The following TAOK3 variants were observed in gnomAD, a reference collection of about 807,000 sequenced individuals.
The protein encoded by TAOK3 is serine/threonine-protein kinase TAO3.
In TAOK3, 40 loss-of-function variants were observed where a neutral mutation model predicts 120.4. The observed-to-expected ratio is 0.33, with a 90% confidence interval of 0.26 to 0.43. TAOK3 has a LOEUF of 0.43. Ranked by LOEUF, TAOK3 falls within the 20% of genes least tolerant of loss-of-function variation. The pLI, the probability that TAOK3 is intolerant of heterozygous loss-of-function variation, is 1.00. For synonymous variants in TAOK3, 355 were observed against 387.5 expected (o/e 0.92, Z 0.99); for missense variants, 821 against 1,112.1 (o/e 0.74, Z 3.72).
chr12:118,295,823 T>C (rs918263381), intron 1 of TAOK3, among the ~76,000 whole-genome samples: 1 of 152,234 alleles, frequency 6.6e-6, no homozygotes, highest in Admixed American at 6.5e-5. Flanking sequence ...ATAAATGATT[T>C]AAAATTTCAA....
chr12:118,330,762 CA>C (rs79525282), intron 1 of TAOK3, among the ~76,000 whole-genome samples: 7,787 of 105,954 alleles, frequency 0.073, 433 homozygotes, highest in African/African-American at 0.17. Context: ...AAGAGGAGGA[CA>C]AAAAAAAAAA....
chr12:118,323,448 C>A (rs1009936217), intron 1 of TAOK3, among the ~76,000 whole-genome samples: 1 of 152,056 alleles, frequency 6.6e-6, no homozygotes, highest in East Asian at 1.9e-4. Flanking sequence ...AAAAATAAAA[C>A]CATTAAGCCA....
chr12:118,244,750 A>G (rs1277774405), intron 4 of TAOK3, 144 bp downstream of exon 4: 2 of 538,148 alleles, frequency 3.7e-6, no homozygotes, highest in Non-Finnish European at 6.9e-6. Context: ...GGATGGTCTC[A>G]ATCTCCCGAC....
chr12:118,194,125 T>G (rs1354573762), intron 13 of TAOK3, among the ~76,000 whole-genome samples: 3 of 152,168 alleles, frequency 2.0e-5, no homozygotes, highest in Non-Finnish European at 4.4e-5. Context: ...GACACACACA[T>G]AAGCACACCT....
At chr12:118,215,102 A>G (rs1326586725) in intron 9 of TAOK3, among the ~76,000 whole-genome samples, 1 of 150,208 alleles carries the variant, frequency 6.7e-6, no homozygotes, top group Non-Finnish European at 1.5e-5. Context: ...GCTGGTCTCG[A>G]ACTCCTGACC....
chr12:118,170,822 A>G (rs1048302928), intron 17 of TAOK3, among the ~76,000 whole-genome samples: 1 of 152,228 alleles, frequency 6.6e-6, no homozygotes, highest in Non-Finnish European at 1.5e-5. Context: ...GCATGCAGAA[A>G]GAGCCTGAGC....
Position 118,236,828 on chromosome 12 carries a change from T to TA in TAOK3, c.438-1158dup, listed in dbSNP as rs760092734. 3 of 152,288 alleles carry TA rather than the reference T, an allele frequency of 2.0e-5. 1 individual carries two copies. Among genetic ancestry groups the TA allele is most frequent in the Admixed American group, 6.5e-5 (1 of 15,294 alleles). 9.4% of individuals were successfully genotyped at this position (152,288 alleles called of 1,614,324 possible). A position where few individuals can be genotyped will look rare whatever the true frequency, so the allele number is the denominator to read the frequency against. On this transcript the variant is annotated intron_variant, in intron 7 of 20. Coordinates refer to ENST00000392533, the MANE Select transcript of TAOK3 (RefSeq NM_016281.4). ...TGAGACACAGTATTTACTTTTAAAT[T>TA]AAAAAAACATTATTTATAAGTATTT...
At chr12:118,230,461 T>G (rs12829903) in intron 9 of TAOK3, among the ~76,000 whole-genome samples, 3 of 35,034 alleles carry the variant, frequency 8.6e-5, no homozygotes, top group Admixed American at 3.3e-4. Flanking sequence ...CTGTGAAGTG[T>G]TTTTTTTTTT....
chr12:118,244,530 T>TC (rs545086117), intron 4 of TAOK3, among the ~76,000 whole-genome samples: 13 of 131,156 alleles, frequency 9.9e-5, no homozygotes, highest in South Asian at 5.2e-4. Flanking sequence ...CTTTTTTCTT[T>TC]TTCTTTTTTT....
At chr12:118,159,697 CAG>C (rs1356907605) in intron 19 of TAOK3, 1 of 189,958 alleles carries the variant, frequency 5.3e-6, no homozygotes, top group Admixed American at 5.6e-5. Flanking sequence ...CTGAGTCCAG[CAG>C]AGTGCTGAAC....
chr12:118,202,629 CT>C (rs1565941548), intron 11 of TAOK3, among the ~76,000 whole-genome samples: 1 of 151,864 alleles, frequency 6.6e-6, no homozygotes, highest in African/African-American at 2.4e-5. Context: ...TGTTGAGTAT[CT>C]TTTCATATAA....
At chr12:118,261,707 CA>C (rs2041235965) in intron 2 of TAOK3, 1 of 152,076 alleles carries the variant, frequency 6.6e-6, no homozygotes, top group African/African-American at 2.4e-5. Flanking sequence ...AAAAAAGAAA[CA>C]AAAAGCATCA....
chr12:118,189,535 GACACACACACACACACACAC>G (rs869285530), intron 14 of TAOK3, among the ~76,000 whole-genome samples: 13 of 132,290 alleles, frequency 9.8e-5, no homozygotes, highest in African/African-American at 1.7e-4. Context: ...CACAGACACA[GACACACACACACACACACAC>G]ACACACACAC....
At chr12:118,248,112 T>A (rs977235563) in intron 3 of TAOK3, among the ~76,000 whole-genome samples, 3 of 151,998 alleles carry the variant, frequency 2.0e-5, no homozygotes, top group African/African-American at 7.2e-5. Flanking sequence ...ATGGTTTCTT[T>A]ATGATTTTTA....
At chr12:118,170,975 C>G (rs1280393843) in intron 17 of TAOK3, among the ~76,000 whole-genome samples, 2 of 152,188 alleles carry the variant, frequency 1.3e-5, no homozygotes, top group Non-Finnish European at 2.9e-5. Flanking sequence ...TAGGCTAACA[C>G]TGGGCTTTTC....
intron 1 of TAOK3, among the ~76,000 whole-genome samples, chr12:118,329,261 A>G (rs964032100): frequency 6.6e-6 from 1 of 152,180 alleles, no homozygotes; most frequent in African/African-American, 2.4e-5. Flanking sequence ...CCTGAAAGAA[A>G]AGGCATGATA....
At chr12:118,321,329 C>G (rs1343824053) in intron 1 of TAOK3, among the ~76,000 whole-genome samples, 1 of 152,126 alleles carries the variant, frequency 6.6e-6, no homozygotes, top group Non-Finnish European at 1.5e-5. Flanking sequence ...GGCACAATCA[C>G]GGCTCACTGC....
At chr12:118,209,432 T>G (rs1484778372) in intron 11 of TAOK3, among the ~76,000 whole-genome samples, 2 of 152,108 alleles carry the variant, frequency 1.3e-5, no homozygotes, top group Non-Finnish European at 2.9e-5. Flanking sequence ...TGAGACAGAG[T>G]CTTGCTGTTG....
chr12:118,272,078 A>C (rs1228922420), intron 1 of TAOK3, among the ~76,000 whole-genome samples: 1 of 152,210 alleles, frequency 6.6e-6, no homozygotes, highest in African/African-American at 2.4e-5. Context: ...TATTCTAAGA[A>C]ATGGAAACCT....
Sources: gnomAD v4.1 joint callset for allele counts (sites outside exome capture counted in the v4.1 genomes callset) on GRCh38, gnomAD v4.1.1 for gene constraint, MANE v1.5 for transcripts, NCBI Gene and HGNC (gene_info 2026-07-23, HGNC 2026-07-21) for gene names.